The following ZNF469 variants were observed in gnomAD, a reference collection of about 807,000 sequenced individuals.
ZNF469 encodes zinc finger protein 469.
Under a neutral mutation model 1.0 loss-of-function variants are expected in ZNF469, and 1 was observed. The observed-to-expected ratio is 1.00, with a 90% confidence interval of 0.35 to 4.73. The LOEUF is 4.73. Ranked by LOEUF, ZNF469 falls within the 30% of genes most tolerant of loss-of-function variation. The pLI, the probability that ZNF469 is intolerant of heterozygous loss-of-function variation, is 0.16. For missense variants in ZNF469, 6,100 were observed against 5,356.3 expected (o/e 1.14, Z -4.33); for synonymous variants, 2,703 against 2,363.4 (o/e 1.14, Z -4.17).
rs1905623110 is a variant in ZNF469 at position 88,424,646 on chromosome 16, A to G, written c.-191-161A>G. ...GAGCTGCCCGCTGGCCTCTGAGGGGAGCTCACCCATCTCCCGGTGGCTCTT... is the reference window on the plus strand; with the variant it reads ...GAGCTGCCCGCTGGCCTCTGAGGGGGGCTCACCCATCTCCCGGTGGCTCTT... On this transcript the variant is annotated intron_variant, in intron 1 of 2. Transcript: ENST00000565624. The surrounding 1 kb of genome is among the most constrained non-coding windows in gnomAD (Gnocchi z 4.3). Among the ~76,000 whole-genome samples the G allele has an allele frequency of 6.6e-6, 1 of 151,530 alleles. No homozygotes were observed. Among genetic ancestry groups the G allele is most frequent in the Non-Finnish European group, 1.5e-5 (1 of 67,854 alleles).
At chr16:88,321,676 AC>A in the ZNF469 span, among the ~76,000 whole-genome samples, 9 of 151,902 alleles carry the variant, frequency 5.9e-5, no homozygotes, top group South Asian at 1.9e-3. Context: ...ATAAGGCCTC[AC>A]CTGATTGGTG....
chr16:88,360,416 G>A, the ZNF469 span, among the ~76,000 whole-genome samples: 15 of 152,172 alleles, frequency 9.9e-5, no homozygotes, highest in Admixed American at 3.3e-4. Context: ...ACCTGCCAAC[G>A]TGCAGAAGAA....
chr16:88,227,230 G>C, the ZNF469 span, among the ~76,000 whole-genome samples: 13 of 152,192 alleles, frequency 8.5e-5, no homozygotes, highest in African/African-American at 2.9e-4. Context: ...CATAAGGGCG[G>C]GCACCTGACT....
rs966608916 is a variant in ZNF469 at position 88,428,996 on chromosome 16, G to A, written c.1526G>A (p.Gly509Glu). 4.5e-6 allele frequency: 7 copies of A among 1,549,238 alleles called. No individual in the cohort carries two copies. The highest frequency in any genetic ancestry group is 8.7e-7 in the Non-Finnish European group (1 of 1,146,698). ...CTGAGCCGGCTGCCTTTCCCCGCGG[G>A]GGGCCCCGAGTGGCAGGGGGGCAGC... is the stretch of plus-strand genomic sequence containing the variant. The part of the protein sequence containing the change: ...EMLSRLPFPA[G>E]GPEWQGGSQG... The change falls in exon 3 of 3, where the codon GGG becomes GAG. Residue 509 changes from glycine (G) to glutamate (E), a missense_variant. Transcript: ENST00000565624.
the ZNF469 span, among the ~76,000 whole-genome samples, chr16:88,201,565 TAAA>T: frequency 6.9e-6 from 1 of 144,436 alleles, no homozygotes; most frequent in African/African-American, 2.5e-5. The surrounding 1 kb of genome is among the most constrained non-coding windows in gnomAD (Gnocchi z 5.0). Context: ...ATAAATAAAT[TAAA>T]AAAAAAAAAT....
At chr16:88,186,323 C>T in the ZNF469 span, among the ~76,000 whole-genome samples, 10 of 152,212 alleles carry the variant, frequency 6.6e-5, no homozygotes, top group Non-Finnish European at 1.5e-4. Context: ...TTGGCCTTTC[C>T]CCTCTTTCCT....
intron 1 of ZNF469, among the ~76,000 whole-genome samples, chr16:88,410,370 C>T (rs1905120121): frequency 6.6e-6 from 1 of 151,508 alleles, no homozygotes; most frequent in Non-Finnish European, 1.5e-5. Context: ...GTGCAGGTCA[C>T]ACAGTTTACG....
chr16:88,276,278 C>A, the ZNF469 span, among the ~76,000 whole-genome samples: 1 of 152,020 alleles, frequency 6.6e-6, no homozygotes, highest in African/African-American at 2.4e-5. Flanking sequence ...CAAGCACACT[C>A]GCTGGATATG....
At chr16:88,127,078 C>T in the ZNF469 span, among the ~76,000 whole-genome samples, 3 of 152,230 alleles carry the variant, frequency 2.0e-5, no homozygotes, top group Non-Finnish European at 4.4e-5. Context: ...CCGCCTCGGC[C>T]TCCCACAGTG....
chr16:88,184,920 G>A, the ZNF469 span, among the ~76,000 whole-genome samples: 1 of 151,960 alleles, frequency 6.6e-6, no homozygotes, highest in African/African-American at 2.4e-5. Context: ...CACACAATAG[G>A]CTGTTATGCA....
the ZNF469 span, among the ~76,000 whole-genome samples, chr16:88,205,659 G>T: frequency 1.3e-5 from 2 of 152,188 alleles, no homozygotes; most frequent in Non-Finnish European, 2.9e-5. The surrounding 1 kb of genome is among the most constrained non-coding windows in gnomAD (Gnocchi z 4.2). Flanking sequence ...ACAGTACAAG[G>T]CACGGATGCG....
the ZNF469 span, among the ~76,000 whole-genome samples, chr16:88,354,450 G>A: frequency 2.6e-5 from 4 of 152,132 alleles, no homozygotes; most frequent in Admixed American, 6.5e-5. Flanking sequence ...CCAGAATTAG[G>A]TGCAGCTGGG....
the ZNF469 span, among the ~76,000 whole-genome samples, chr16:88,157,751 C>A: frequency 6.6e-6 from 1 of 152,190 alleles, no homozygotes; most frequent in African/African-American, 2.4e-5. Context: ...CAGCCCCCAT[C>A]CCGAGTCTGG....
the ZNF469 span, among the ~76,000 whole-genome samples, chr16:88,235,783 C>T: frequency 4.6e-5 from 7 of 152,194 alleles, no homozygotes; most frequent in South Asian, 2.1e-4. Flanking sequence ...GAGCGTGACC[C>T]GTGACACAGC....
rs1167495569 is a variant in ZNF469, at chr16:88,430,384, G to C, written c.2914G>C (p.Gly972Arg). The C allele has an allele frequency of 2.6e-6, 4 of 1,515,890 alleles. No individual in the cohort carries two copies. In the East Asian group the frequency reaches 7.4e-5, roughly 28 times the overall value. The allele number at this position is 1,515,890 out of a possible 1,614,324, so 93.9% of individuals were successfully genotyped here. The change falls in exon 3 of 3, where the codon GGC becomes CGC. Residue 972 changes from glycine to arginine, a missense_variant. Physicochemically the swap from Gly to Arg is moderately radical, Grantham distance 125. Transcript: ENST00000565624. ...GAAEGSGSGG[G>R]GRASGLRPRR... The stretch of plus-strand genomic sequence containing the variant: ...AGCAGAGGGGTCGGGGTCGGGCGGC[G>C]GCGGCAGAGCCTCCGGCCTGAGGCC...
At chr16:88,344,764 G>A in the ZNF469 span, among the ~76,000 whole-genome samples, 1 of 152,224 alleles carries the variant, frequency 6.6e-6, no homozygotes, top group African/African-American at 2.4e-5. Context: ...TGGGTTCCTG[G>A]GAGGGGCCGC....
Position 88,435,641 on chromosome 16 carries a change from C to T in ZNF469, c.8171C>T (p.Pro2724Leu), listed in dbSNP as rs1173902349. ...LCAGETGAQK[P>L]PGDRMLCPGR... ...GCAGGGGAGACTGGGGCCCAGAAGCCACCTGGAGATCGGATGCTGTGTCCA... is the reference window on the plus strand; with the variant it reads ...GCAGGGGAGACTGGGGCCCAGAAGCTACCTGGAGATCGGATGCTGTGTCCA... Residue 2724 changes from proline (P) to leucine (L), a missense_variant, in exon 3 of 3, where the codon CCA (proline) becomes CTA (leucine). Transcript: ENST00000565624. 1.3e-6 allele frequency: 2 copies of T among 1,550,476 alleles called. No individual in the cohort carries two copies. The highest frequency in any genetic ancestry group is 8.7e-7 in the Non-Finnish European group (1 of 1,146,988).
the ZNF469 span, among the ~76,000 whole-genome samples, chr16:88,135,433 G>C: frequency 6.6e-6 from 1 of 152,262 alleles, no homozygotes; most frequent in African/African-American, 2.4e-5. Flanking sequence ...AGATGGACGA[G>C]GTTGGCCAGG....
At chr16:88,406,708 G>A (rs977679310) in intron 1 of ZNF469, among the ~76,000 whole-genome samples, 4 of 152,126 alleles carry the variant, frequency 2.6e-5, no homozygotes, top group East Asian at 1.9e-4. Context: ...CCCTGCCTCC[G>A]AGGGCTACAG....
Sources: allele counts gnomAD v4.1 joint callset (sites outside exome capture counted in the v4.1 genomes callset), GRCh38; gene constraint gnomAD v4.1.1; non-coding constraint Gnocchi (gnomAD v3.1); transcripts MANE v1.5; gene names NCBI Gene and HGNC (gene_info 2026-07-23, HGNC 2026-07-21).